FBXW11: variants seen among roughly 807,000 people sequenced by gnomAD.
FBXW11 encodes F-box and WD repeat domain containing 11.
Under a neutral mutation model 77.6 loss-of-function variants are expected in FBXW11, and 19 were observed. The ratio of observed to expected loss-of-function variants is 0.24; its 90% CI spans 0.17 to 0.36. The LOEUF (loss-of-function observed/expected upper bound fraction) is 0.36. Among genes scored for constraint, FBXW11 ranks in the 10% least tolerant of loss-of-function variants. The probability of loss-of-function intolerance (pLI) is 1.00; values close to 1 mark genes in which losing one functional copy is unlikely to be tolerated. For synonymous variants in FBXW11, 235 were observed against 249.4 expected (o/e 0.94, Z 0.54); for missense variants, 334 against 704.2 (o/e 0.47, Z 5.95).
intron 2 of FBXW11, among the ~76,000 whole-genome samples, chr5:171,934,921 G>C (rs1762395215): frequency 6.6e-6 from 1 of 152,048 alleles, no homozygotes; most frequent in Non-Finnish European, 1.5e-5. Context: ...AGGGATATAG[G>C]GAATGACAGC....
chr5:171,945,996 G>T (rs1762989371), intron 2 of FBXW11, among the ~76,000 whole-genome samples: 1 of 152,168 alleles, frequency 6.6e-6, no homozygotes, highest in African/African-American at 2.4e-5. Context: ...AGATATTGGT[G>T]TAAGGGTATT....
At chr5:171,953,581 T>C (rs569356856) in intron 2 of FBXW11, among the ~76,000 whole-genome samples, 2 of 152,280 alleles carry the variant, frequency 1.3e-5, no homozygotes, top group South Asian at 4.1e-4. Context: ...CCTTCTTACA[T>C]GGAGAACCAG....
chr5:171,929,604 C>G (rs1464091087), intron 2 of FBXW11, among the ~76,000 whole-genome samples: 1 of 152,086 alleles, frequency 6.6e-6, no homozygotes, highest in Non-Finnish European at 1.5e-5. Flanking sequence ...GTAATCCTAG[C>G]ACTTTGGGAG....
At chr5:171,962,841 C>T (rs977709600) in intron 1 of FBXW11, among the ~76,000 whole-genome samples, 4 of 152,080 alleles carry the variant, frequency 2.6e-5, no homozygotes, top group African/African-American at 9.7e-5. Context: ...TGCCCTGATT[C>T]CTTCTCAAAG....
At chr5:171,912,170 C>T (rs1469663670) in intron 3 of FBXW11, among the ~76,000 whole-genome samples, 1 of 152,136 alleles carries the variant, frequency 6.6e-6, no homozygotes, top group Non-Finnish European at 1.5e-5. Context: ...AGTTTTCCTT[C>T]ACACAAAATC....
At chr5:171,958,107 C>T (rs576538076) in intron 1 of FBXW11, among the ~76,000 whole-genome samples, 1 of 152,220 alleles carries the variant, frequency 6.6e-6, no homozygotes, top group South Asian at 2.1e-4. Context: ...CCTACAAAAC[C>T]ACAAAAAGTG....
Position 171,870,759 on chromosome 5 carries a change from C to T in FBXW11, c.1440G>A (p.Gly480=). The change falls in exon 11 of 14, where the codon GGG becomes GGA. Residue 480 remains glycine, a synonymous_variant. Coordinates refer to ENST00000517395, the MANE Select transcript of FBXW11 (RefSeq NM_001378974.1). ...TCTGAAAGACATACCCATCATAGGC[C>T]CCACTGACAATCCTCTTGTTATCAA... The part of the protein sequence containing the change: ...IRFDNKRIVS[G]AYDGKIKVWD... The T allele has an allele frequency of 1.2e-6, 2 of 1,612,434 alleles. No individual in the cohort carries two copies. The highest frequency in any genetic ancestry group is 1.7e-6 in the Non-Finnish European group (2 of 1,178,570).
At chr5:171,947,702 A>G (rs932258642) in intron 2 of FBXW11, among the ~76,000 whole-genome samples, 1 of 152,178 alleles carries the variant, frequency 6.6e-6, no homozygotes, top group Non-Finnish European at 1.5e-5. Flanking sequence ...ATGAAATTGC[A>G]GTTATTAAAA....
Position 171,907,058 on chromosome 5 carries a change from T to C in FBXW11, c.436+3514A>G, listed in dbSNP as rs1760576182. Reference sequence around the variant, plus strand: ...CAATCTGTCCCTACTTTACATGGTATGAATTTTCCCATTAACAACAGTTCT... The same window carrying C: ...CAATCTGTCCCTACTTTACATGGTACGAATTTTCCCATTAACAACAGTTCT... On this transcript the variant is annotated intron_variant, in intron 4 of 13. Coordinates refer to ENST00000517395, the MANE Select transcript of FBXW11 (RefSeq NM_001378974.1). Among the ~76,000 whole-genome samples, 3 of 152,348 alleles carry C rather than the reference T, an allele frequency of 2.0e-5. 1 individual carries two copies. The highest frequency in any genetic ancestry group is 4.1e-4 in the South Asian group (2 of 4,830).
intron 1 of FBXW11, among the ~76,000 whole-genome samples, chr5:171,987,588 A>AT (rs1420647014): frequency 6.6e-6 from 1 of 151,550 alleles, no homozygotes; most frequent in Non-Finnish European, 1.5e-5. Flanking sequence ...AGCAGCTGGG[A>AT]TTACAGGCAC....
At position 171,917,766 on chromosome 5, in the gene FBXW11, C is replaced by CTGTGTGTGTGTGTGTG. The variant is rs60601173; in HGVS notation, c.148-3377_148-3362dup. On this transcript the variant is annotated intron_variant, in intron 2 of 13. Transcript: ENST00000517395. ...CACATCCTTGCACTCTAGACTCACTCTGTGTGTGTGTGTGTGTGTGTGTGT... is the reference window on the plus strand; with the variant it reads ...CACATCCTTGCACTCTAGACTCACTCTGTGTGTGTGTGTGTGTGTGTGTGTGTGTGTGTGTGTGTGT... Among the ~76,000 whole-genome samples the CTGTGTGTGTGTGTGTG allele has an allele frequency of 3.7e-3, 540 of 147,572 alleles. 1 individual carries two copies. Among genetic ancestry groups the CTGTGTGTGTGTGTGTG allele is most frequent in the Middle Eastern group, 0.01 (3 of 288 alleles).
chr5:171,894,889 C>T (rs1009456642), intron 6 of FBXW11, among the ~76,000 whole-genome samples: 9 of 152,094 alleles, frequency 5.9e-5, no homozygotes, highest in Admixed American at 3.3e-4. Context: ...ATGGTGCCAG[C>T]AAATGGTAGC....
At chr5:171,933,958 A>G (rs1172616442) in intron 2 of FBXW11, among the ~76,000 whole-genome samples, 1 of 152,220 alleles carries the variant, frequency 6.6e-6, no homozygotes, top group Admixed American at 6.5e-5. Flanking sequence ...ACAACATCCC[A>G]AACAAGCCTT....
At chr5:171,940,686 G>A (rs1026478736) in intron 2 of FBXW11, among the ~76,000 whole-genome samples, 5 of 152,214 alleles carry the variant, frequency 3.3e-5, no homozygotes, top group Admixed American at 1.3e-4. Flanking sequence ...TCAGGAGTTC[G>A]AGACCAGCCT....
At chr5:171,986,004 T>TA (rs1765419037) in intron 1 of FBXW11, among the ~76,000 whole-genome samples, 1 of 152,174 alleles carries the variant, frequency 6.6e-6, no homozygotes, top group East Asian at 1.9e-4. Context: ...ATTGGTCTCA[T>TA]AGGAGTTACG....
At chr5:171,910,061 CTTTTT>C (rs3087180) in intron 4 of FBXW11, among the ~76,000 whole-genome samples, 3 of 92,522 alleles carry the variant, frequency 3.2e-5, no homozygotes, top group Non-Finnish European at 2.2e-5. Flanking sequence ...ATAATGAACA[CTTTTT>C]TTTTTTTTTT....
intron 1 of FBXW11, among the ~76,000 whole-genome samples, chr5:171,968,563 C>T (rs916685466): frequency 2.6e-5 from 4 of 152,062 alleles, no homozygotes; most frequent in African/African-American, 7.2e-5. Flanking sequence ...GATCTCCAGT[C>T]AGAAAACTCC....
rs139717401 is a variant in FBXW11, at chr5:171,883,892, T to C, written c.853-5763A>G. ...TTGATTTGTTTGAGTTCATTGTGTT[T>C]GTTTTTTTCTTGTTGATTTGTTTGA... is the stretch of plus-strand genomic sequence containing the variant. On this transcript the variant is annotated intron_variant, in intron 7 of 13. Transcript: ENST00000517395. Among the ~76,000 whole-genome samples the C allele has an allele frequency of 7.0e-3, 1,066 of 152,350 alleles. 9 individuals are homozygous for C. Among genetic ancestry groups the C allele is most frequent in the Middle Eastern group, 0.061 (18 of 294 alleles).
intron 1 of FBXW11, 73 bp downstream of exon 1, chr5:172,006,385 G>T: frequency 2.9e-6 from 4 of 1,356,254 alleles, no homozygotes; most frequent in Non-Finnish European, 4.0e-6. Context: ...GCCTCGCACC[G>T]GACGTTGAGG....
Sources: allele counts gnomAD v4.1 joint callset (sites outside exome capture counted in the v4.1 genomes callset), GRCh38; gene constraint gnomAD v4.1.1; transcripts MANE v1.5; gene names NCBI Gene and HGNC (gene_info 2026-07-23, HGNC 2026-07-21).